Variants in EFCAB13 observed in about 807,000 individuals in gnomAD.
EFCAB13 encodes the protein EF-hand calcium-binding domain-containing protein 13.
A neutral mutation model predicts 110.2 loss-of-function variants in EFCAB13; 91 were observed. The observed-to-expected ratio is 0.83, with a 90% confidence interval of 0.70 to 0.98. The LOEUF (loss-of-function observed/expected upper bound fraction) is 0.98, where lower values mean the gene tolerates loss of function less well. EFCAB13 is among the 50% of genes least tolerant of loss of function. The pLI, the probability that EFCAB13 is intolerant of heterozygous loss-of-function variation, is 0.00. For missense variants in EFCAB13, 968 were observed against 1,119.4 expected, an observed-to-expected ratio of 0.86 and a Z score of 1.93; for synonymous variants, 323 against 369.9, an observed-to-expected ratio of 0.87 and a Z score of 1.45.
intron 13 of EFCAB13, 42 bp downstream of exon 13, chr17:47,377,945 A>G (rs377574023): frequency 6.6e-6 from 10 of 1,521,794 alleles, no homozygotes; most frequent in African/African-American, 4.3e-5. Flanking sequence ...AAAGTTAGAT[A>G]TTTTTATCGG....
chr17:47,340,289 C>A (rs1048611951), intron 5 of EFCAB13, among the ~76,000 whole-genome samples: 2 of 151,342 alleles, frequency 1.3e-5, no homozygotes, highest in African/African-American at 4.9e-5. Flanking sequence ...TGAACTGGTA[C>A]CACTAGGCAA....
chr17:47,338,355 T>G (rs1435586207), intron 5 of EFCAB13, among the ~76,000 whole-genome samples: 1 of 151,918 alleles, frequency 6.6e-6, no homozygotes, highest in Admixed American at 6.6e-5. Context: ...GCTTAAGGGA[T>G]TCTCCTACCT....
intron 17 of EFCAB13, among the ~76,000 whole-genome samples, chr17:47,401,789 C>T (rs770364588): frequency 1.5e-4 from 23 of 151,816 alleles, no homozygotes; most frequent in Non-Finnish European, 2.6e-4. Context: ...GGACTACAGG[C>T]GCATGCCACC....
intron 24 of EFCAB13, among the ~76,000 whole-genome samples, chr17:47,436,477 A>G (rs1236596623): frequency 6.6e-6 from 1 of 152,056 alleles, no homozygotes; most frequent in East Asian, 1.9e-4. Flanking sequence ...AGGATACCTA[A>G]TTCCTCCTGA....
At position 47,427,232 on chromosome 17, in the gene EFCAB13, A is replaced by G. The variant is rs1430243711; in HGVS notation, c.2495-2586A>G. 2.0e-5 allele frequency among the ~76,000 whole-genome samples: 3 copies of G among 152,234 alleles called. No homozygotes were observed. In the East Asian group the frequency reaches 5.8e-4, roughly 29 times the overall value. On this transcript the variant is annotated intron_variant, in intron 23 of 24. Transcript: ENST00000331493. ...CTGTAAATTGAATTTTATGCCTCCT[A>G]TATATTACATTTTGAAAAATTGAGT...
Position 47,404,602 on chromosome 17 carries a change from G to C in EFCAB13, c.2202G>C (p.Leu734Phe). The change falls in exon 20 of 25, where the codon TTG becomes TTC. Residue 734 changes from leucine (L) to phenylalanine (F), a missense_variant. Transcript: ENST00000331493. Reference protein sequence around the residue: ...MVNIKDCMRALRDTQKFSNYI... With the variant: ...MVNIKDCMRAFRDTQKFSNYI... ...ACATTAAAGACTGTATGAGGGCTTTGAGGGACACCCAGAAATTTTCCAATT... is the reference window on the plus strand; with the variant it reads ...ACATTAAAGACTGTATGAGGGCTTTCAGGGACACCCAGAAATTTTCCAATT... 6.2e-7 allele frequency: 1 copy of C among 1,612,784 alleles called. No individual in the cohort carries two copies. The highest frequency in any genetic ancestry group is 8.5e-7 in the Non-Finnish European group (1 of 1,179,270).
chr17:47,391,467 A>C lies in EFCAB13; in HGVS notation c.1613A>C (p.Lys538Thr). 8 of 1,580,614 alleles carry C rather than the reference A, an allele frequency of 5.1e-6. No homozygotes were observed. Among genetic ancestry groups the C allele is most frequent in the Non-Finnish European group, 6.9e-6 (8 of 1,167,228 alleles). Residue 538 changes from lysine (K) to threonine (T), a missense_variant, in exon 15 of 25, where the codon AAA becomes ACA. By Grantham distance (78) the Lys-to-Thr change is moderately conservative (BLOSUM62 -1). Transcript: ENST00000331493. ...ALPGVIKAIDKIKDKNVDYED... is the reference protein window; with the variant it reads ...ALPGVIKAIDTIKDKNVDYED... ...CCTGGTGTCATTAAAGCCATTGATA[A>C]AATTAAAGATAAAAATGTGGATTAT...
chr17:47,335,781 C>G (rs1326544260), intron 5 of EFCAB13, among the ~76,000 whole-genome samples: 1 of 152,112 alleles, frequency 6.6e-6, no homozygotes, highest in African/African-American at 2.4e-5. Flanking sequence ...AGGGAAGTGC[C>G]ACATACTTTT....
chr17:47,412,974 T>C, intron 22 of EFCAB13, 58 bp downstream of exon 22: 2 of 1,555,098 alleles, frequency 1.3e-6, no homozygotes, highest in South Asian at 1.2e-5. Flanking sequence ...TGAAAAATAG[T>C]CTTAGAGTGT....
chr17:47,397,812 C>T (rs1296096257), intron 17 of EFCAB13, among the ~76,000 whole-genome samples: 8 of 151,690 alleles, frequency 5.3e-5, no homozygotes, highest in African/African-American at 1.7e-4. Context: ...CCCCTCCGCC[C>T]GGCAGCTGCC....
At chr17:47,398,806 G>A (rs868435198) in intron 17 of EFCAB13, among the ~76,000 whole-genome samples, 3 of 151,394 alleles carry the variant, frequency 2.0e-5, no homozygotes, top group Admixed American at 6.6e-5. Flanking sequence ...TCCTATGACC[G>A]TGCCAAATCC....
At chr17:47,394,196 G>C (rs1222574744) in intron 16 of EFCAB13, 97 bp downstream of exon 16, 1 of 711,306 alleles carries the variant, frequency 1.4e-6, no homozygotes, top group Non-Finnish European at 2.2e-6. Flanking sequence ...TATAGAGCTA[G>C]TTATCCTGCA....
rs775335752 is a variant in EFCAB13, at chr17:47,328,316, G to A, written c.-38G>A. On this transcript the variant is annotated 5_prime_UTR_variant, in exon 4 of 25. Coordinates refer to ENST00000331493, the MANE Select transcript of EFCAB13 (RefSeq NM_152347.5). Reference sequence around the variant, plus strand: ...CATTCATACTTGTTCATCAAAGCCTGGAGTCCTTAAGGACAGAATTTACCT... The same window carrying A: ...CATTCATACTTGTTCATCAAAGCCTAGAGTCCTTAAGGACAGAATTTACCT... 1.9e-5 allele frequency: 30 copies of A among 1,580,804 alleles called. No homozygotes were observed. Among genetic ancestry groups the A allele is most frequent in the Admixed American group, 6.7e-5 (4 of 59,662 alleles).
chr17:47,382,288 C>G (rs1218859431), intron 14 of EFCAB13, among the ~76,000 whole-genome samples: 1 of 152,180 alleles, frequency 6.6e-6, no homozygotes, highest in African/African-American at 2.4e-5. Flanking sequence ...GATATACAAT[C>G]ATGTCATCTG....
intron 9 of EFCAB13, among the ~76,000 whole-genome samples, chr17:47,354,049 G>A (rs777499078): frequency 6.6e-6 from 1 of 152,138 alleles, no homozygotes; most frequent in Non-Finnish European, 1.5e-5. Flanking sequence ...TGCTTTTGCT[G>A]TATCCCAGAG....
At chr17:47,380,100 C>CT (rs57227165) in intron 14 of EFCAB13, among the ~76,000 whole-genome samples, 13,371 of 152,204 alleles carry the variant, frequency 0.088, 847 homozygotes, top group East Asian at 0.35. Context: ...TTTTATTATA[C>CT]TTTAAGTTCT....
At chr17:47,342,604 T>A (rs990396016) in intron 6 of EFCAB13, among the ~76,000 whole-genome samples, 2 of 152,206 alleles carry the variant, frequency 1.3e-5, no homozygotes, top group Non-Finnish European at 2.9e-5. Flanking sequence ...GTATATATCC[T>A]TTTTTCCCCT....
intron 4 of EFCAB13, among the ~76,000 whole-genome samples, chr17:47,333,737 G>A (rs969239530): frequency 1.3e-5 from 2 of 152,168 alleles, no homozygotes; most frequent in Non-Finnish European, 2.9e-5. Flanking sequence ...AAAATCAGCT[G>A]ACTGTAAATA....
intron 17 of EFCAB13, among the ~76,000 whole-genome samples, chr17:47,397,339 AGTGGCATGATCTCG>A (rs2065746040): frequency 1.3e-5 from 2 of 152,250 alleles, no homozygotes; most frequent in South Asian, 4.1e-4. Context: ...GCTGGAGTGC[AGTGGCATGATCTCG>A]GCTCGCTACA....
Sources: allele counts gnomAD v4.1 joint callset (sites outside exome capture counted in the v4.1 genomes callset), GRCh38; gene constraint gnomAD v4.1.1; transcripts MANE v1.5; gene names NCBI Gene and HGNC (gene_info 2026-07-23, HGNC 2026-07-21).